The following IQCH variants were observed in gnomAD, a reference collection of about 807,000 sequenced individuals.
The protein encoded by IQCH is IQ domain-containing protein H.
In IQCH, 98 loss-of-function variants were observed where a neutral mutation model predicts 117.0. That is an observed-to-expected ratio of 0.84 (90% confidence interval 0.71 to 0.99). The LOEUF is 0.99. Ranked by LOEUF, IQCH falls within the 50% of genes least tolerant of loss-of-function variation. The pLI is 0.00. For missense variants in IQCH, 1,102 were observed against 1,243.8 expected (o/e 0.89, Z 1.72); for synonymous variants, 412 against 448.2 (o/e 0.92, Z 1.02).
intron 4 of IQCH, among the ~76,000 whole-genome samples, chr15:67,318,877 T>C (rs1040627805): frequency 6.6e-6 from 1 of 152,120 alleles, no homozygotes; most frequent in African/African-American, 2.4e-5. Context: ...TTGCACTCTA[T>C]ACGAAGAAAA....
intron 4 of IQCH, among the ~76,000 whole-genome samples, chr15:67,328,270 C>T (rs1039159829): frequency 3.9e-5 from 6 of 151,970 alleles, no homozygotes. Context: ...ATTATATTAC[C>T]TTTATCAAAA....
Position 67,384,348 on chromosome 15 carries a change from G to A in IQCH, c.1373-588G>A, listed in dbSNP as rs1971038914. Among the ~76,000 whole-genome samples the A allele has an allele frequency of 6.6e-6, 1 of 152,066 alleles. No individual in the cohort carries two copies. The highest frequency in any genetic ancestry group is 1.5e-5 in the Non-Finnish European group (1 of 68,018). ...TGCTACGTTTCCAGTGGAAATGAAG[G>A]CAAACTGCAGGACTTTTATTAGTAC... On this transcript the variant is annotated intron_variant, in intron 10 of 20. Transcript: ENST00000335894. This position sits in a 1 kb window ranked among gnomAD's most constrained non-coding sequence, Gnocchi z 4.3.
chr15:67,372,497 G>C lies in IQCH; in HGVS notation c.1140G>C (p.Trp380Cys). 6.2e-7 allele frequency: 1 copy of C among 1,614,036 alleles called. No homozygotes were observed. Among genetic ancestry groups the C allele is most frequent in the East Asian group, 2.2e-5 (1 of 44,870 alleles). The change falls in exon 9 of 21, where the codon TGG becomes TGC. Residue 380 changes from tryptophan (W) to cysteine (C), a missense_variant. By Grantham distance (215) the Trp-to-Cys change is radical (BLOSUM62 -2). Around this residue, in one of 2 missense-constraint regions of IQCH, gnomAD observed 452 missense variants for 449.6 expected, o/e 1.01. Coordinates refer to ENST00000335894, the MANE Select transcript of IQCH (RefSeq NM_001031715.3). ...SEAAMKIQAT[W>C]KCYKARKFFL... ...CCGCCATGAAGATCCAAGCCACATG[G>C]AAATGCTACAAAGCAAGAAAATTCT...
At chr15:67,275,220 A>G (rs928608969) in intron 3 of IQCH, among the ~76,000 whole-genome samples, 1 of 152,214 alleles carries the variant, frequency 6.6e-6, no homozygotes, top group Non-Finnish European at 1.5e-5. Context: ...ACCCAAGGTG[A>G]TAGGGAAGCT....
In IQCH at chr15:67,316,129, C is replaced by A. The variant is rs138075852; in HGVS notation, c.388-20846C>A. 7.8e-3 allele frequency among the ~76,000 whole-genome samples: 1,181 copies of A among 152,222 alleles called. 6 individuals carry two copies. The highest frequency in any genetic ancestry group is 0.014 in the Middle Eastern group (4 of 294). Reference sequence around the variant, plus strand: ...ATGAGCTTGCCTGGGGACCTAACCACTTTAAGATTGTTCCTAAGAAAACTC... The same window carrying A: ...ATGAGCTTGCCTGGGGACCTAACCAATTTAAGATTGTTCCTAAGAAAACTC... On this transcript the variant is annotated intron_variant, in intron 4 of 20. Coordinates refer to ENST00000335894, the MANE Select transcript of IQCH (RefSeq NM_001031715.3).
At position 67,364,592 on chromosome 15, in the gene IQCH, C is replaced by A. The variant is rs1020930666; in HGVS notation, c.753+4707C>A. ...TTAAATTATCAGCCAACAAGATAAT[C>A]TGTATTTTTTCACTTTATCTCTTTC... On this transcript the variant is annotated intron_variant, in intron 8 of 20. Coordinates refer to ENST00000335894, the MANE Select transcript of IQCH (RefSeq NM_001031715.3). This position sits in a 1 kb window ranked among gnomAD's most constrained non-coding sequence, Gnocchi z 4.1. 2.6e-5 allele frequency among the ~76,000 whole-genome samples: 4 copies of A among 152,162 alleles called. No homozygotes were observed. Among genetic ancestry groups the A allele is most frequent in the Non-Finnish European group, 5.9e-5 (4 of 68,012 alleles).
At chr15:67,449,190 T>C (rs921533945) in intron 16 of IQCH, among the ~76,000 whole-genome samples, 2 of 152,152 alleles carry the variant, frequency 1.3e-5, no homozygotes, top group Non-Finnish European at 2.9e-5. Flanking sequence ...TTCACTCTGA[T>C]GGTAGTTTCT....
chr15:67,360,804 A>G (rs780187775), intron 8 of IQCH, among the ~76,000 whole-genome samples: 1 of 152,184 alleles, frequency 6.6e-6, no homozygotes, highest in Non-Finnish European at 1.5e-5. Context: ...ATAGAGCTGT[A>G]TTTACATCAA....
Position 67,388,546 on chromosome 15 carries a change from A to G in IQCH, c.1457-285A>G, listed in dbSNP as rs1971180091. On this transcript the variant is annotated intron_variant, in intron 11 of 20. Coordinates refer to ENST00000335894, the MANE Select transcript of IQCH (RefSeq NM_001031715.3). This position sits in a 1 kb window ranked among gnomAD's most constrained non-coding sequence, Gnocchi z 5.5. The stretch of plus-strand genomic sequence containing the variant: ...GAGTTGTGTGGCTAAATCCCTATGT[A>G]TTATTTGAAAGTACATTTCCAAGGT... Among the ~76,000 whole-genome samples the G allele has an allele frequency of 6.6e-6, 1 of 152,176 alleles. No individual in the cohort carries two copies.
chr15:67,254,839 A>C lies in IQCH; in HGVS notation c.-58A>C, dbSNP rs921056710. On this transcript the variant is annotated 5_prime_UTR_variant, in exon 1 of 21. An upstream open reading frame in the 5' UTR loses its in-frame stop. Coordinates refer to ENST00000335894, the MANE Select transcript of IQCH (RefSeq NM_001031715.3). ...CCATGGGGACGAGCGGCTCCGGCTG[A>C]AGGTTTCCGTGCTTGGAAACCGCGC... 196 of 1,560,634 alleles carry C rather than the reference A, an allele frequency of 1.3e-4. No individual in the cohort carries two copies. Among genetic ancestry groups the C allele is most frequent in the Non-Finnish European group, 1.7e-4 (193 of 1,140,094 alleles).
intron 4 of IQCH, among the ~76,000 whole-genome samples, chr15:67,324,730 C>T (rs1968326699): frequency 6.7e-6 from 1 of 150,104 alleles, no homozygotes; most frequent in African/African-American, 2.4e-5. Context: ...TTTCCTTATT[C>T]AGTGCTTTAA....
chr15:67,353,792 T>TA (rs1969773007), intron 6 of IQCH, among the ~76,000 whole-genome samples: 1 of 152,184 alleles, frequency 6.6e-6, no homozygotes, highest in South Asian at 2.1e-4. Flanking sequence ...GTAGAATTTT[T>TA]AAAAAATCAT....
chr15:67,449,220 T>A (rs2082461902), intron 16 of IQCH, among the ~76,000 whole-genome samples: 1 of 152,210 alleles, frequency 6.6e-6, no homozygotes, highest in South Asian at 2.1e-4. Context: ...CAGAAGCTCC[T>A]GAGTTTAATT....
At chr15:67,286,033 G>T (rs769303305) in intron 4 of IQCH, among the ~76,000 whole-genome samples, 6 of 152,166 alleles carry the variant, frequency 3.9e-5, no homozygotes, top group Admixed American at 2.6e-4. Flanking sequence ...GGGTACTATG[G>T]ATATTTTGAC....
chr15:67,383,341 G>A (rs1243953436), intron 10 of IQCH, among the ~76,000 whole-genome samples: 1 of 152,138 alleles, frequency 6.6e-6, no homozygotes, highest in African/African-American at 2.4e-5. Context: ...CAAGTAATTT[G>A]TTGGAAAACT....
At position 67,472,339 on chromosome 15, in the gene IQCH, G is replaced by A. The variant is rs1320267982; in HGVS notation, c.2677-3357G>A. On this transcript the variant is annotated intron_variant, in intron 17 of 20. Transcript: ENST00000335894. This position sits in a 1 kb window ranked among gnomAD's most constrained non-coding sequence, Gnocchi z 4.3. Reference sequence around the variant, plus strand: ...GTAGTTGGAAGGGTGCACTGAGCAAGTTTGGGGAGGTCTACCCACCACACC... The same window carrying A: ...GTAGTTGGAAGGGTGCACTGAGCAAATTTGGGGAGGTCTACCCACCACACC... Among the ~76,000 whole-genome samples the A allele has an allele frequency of 6.6e-6, 1 of 152,188 alleles. No individual in the cohort carries two copies. Among genetic ancestry groups the A allele is most frequent in the Non-Finnish European group, 1.5e-5 (1 of 68,034 alleles).
rs1320307182 is a variant in IQCH, at chr15:67,357,411, A to G, written c.704A>G (p.Gln235Arg). 2.5e-6 allele frequency: 4 copies of G among 1,594,890 alleles called. No individual in the cohort carries two copies. The highest frequency in any genetic ancestry group is 1.7e-5 in the Admixed American group (1 of 59,990). ...GAAGTGAAGTTCTTTCCCAAGAAAC[A>G]AAGATCAAAGGTATTTATATTCCTC... The part of the protein sequence containing the change: ...PAEVKFFPKK[Q>R]RSKGKSRRSR... Residue 235 changes from glutamine (Q) to arginine (R), a missense_variant, in exon 7 of 21, where the codon CAA (glutamine) becomes CGA (arginine). Gln to Arg is a conservative substitution (Grantham distance 43). Transcript: ENST00000335894.
At position 67,465,524 on chromosome 15, in the gene IQCH, T is replaced by A. The variant is rs553936420; in HGVS notation, c.2676+227T>A. 6.6e-6 allele frequency among the ~76,000 whole-genome samples: 1 copy of A among 152,284 alleles called. No homozygotes were observed. Among genetic ancestry groups the A allele is most frequent in the South Asian group, 2.1e-4 (1 of 4,824 alleles). ...CCATCTGTGGAAATGCGAAAGAGCA[T>A]GGGGCTCTCCTCCCCTTTTTCTAGG... On this transcript the variant is annotated intron_variant, in intron 17 of 20. Transcript: ENST00000335894. The surrounding 1 kb of genome is among the most constrained non-coding windows in gnomAD (Gnocchi z 5.9).
chr15:67,353,685 A>C (rs1202112711), intron 6 of IQCH, among the ~76,000 whole-genome samples: 3 of 152,170 alleles, frequency 2.0e-5, no homozygotes, highest in Non-Finnish European at 4.4e-5. Context: ...AAGAACATAA[A>C]ACAGGCAGAT....
Sources: allele counts gnomAD v4.1 joint callset (sites outside exome capture counted in the v4.1 genomes callset), GRCh38; gene constraint gnomAD v4.1.1; regional missense constraint gnomAD v4.1.1; non-coding constraint Gnocchi (gnomAD v3.1); transcripts MANE v1.5; gene names NCBI Gene and HGNC (gene_info 2026-07-23, HGNC 2026-07-21).